The following TRIM24 variants were observed in gnomAD, a reference collection of about 807,000 sequenced individuals.
TRIM24 encodes tripartite motif containing 24.
A neutral mutation model predicts 123.9 loss-of-function variants in TRIM24; 29 were observed. The observed-to-expected ratio is 0.23, with a 90% CI of 0.17 to 0.32. The LOEUF is 0.32. Among genes scored for constraint, TRIM24 ranks in the 10% least tolerant of loss-of-function variants. The pLI is 1.00. For synonymous variants in TRIM24, 456 were observed against 461.1 expected (o/e 0.99, Z 0.14); for missense variants, 932 against 1,295.3 (o/e 0.72, Z 4.31).
rs984670440 is a variant in TRIM24 at position 138,576,046 on chromosome 7, C to G, written c.2015-327C>G. Among the ~76,000 whole-genome samples, 3 of 152,100 alleles carry G rather than the reference C, an allele frequency of 2.0e-5. 1 individual carries two copies. Among genetic ancestry groups the G allele is most frequent in the Admixed American group, 2.0e-4 (3 of 15,256 alleles). ...AATGTTTGGAGATGTTTTTGATTGTCACACCCCAAGCTGGGAAGTATAGAG... is the reference window on the plus strand; with the variant it reads ...AATGTTTGGAGATGTTTTTGATTGTGACACCCCAAGCTGGGAAGTATAGAG... On this transcript the variant is annotated intron_variant, in intron 12 of 18. Coordinates refer to ENST00000343526, the MANE Select transcript of TRIM24 (RefSeq NM_015905.3).
At chr7:138,545,163 C>CGTGTGT (rs3073156) in intron 7 of TRIM24, among the ~76,000 whole-genome samples, 1,967 of 149,472 alleles carry the variant, frequency 0.013, 33 homozygotes, top group African/African-American at 0.044. Context: ...ATAAAATCTG[C>CGTGTGT]GTGTGTGTGT....
chr7:138,581,276 C>T (rs1441728386), intron 16 of TRIM24, among the ~76,000 whole-genome samples: 1 of 152,174 alleles, frequency 6.6e-6, no homozygotes, highest in African/African-American at 2.4e-5. Context: ...GGGATAAACC[C>T]ATAAAGCAGG....
At chr7:138,583,674 T>C (rs913939323) in intron 17 of TRIM24, among the ~76,000 whole-genome samples, 176 bp from the exon 18 acceptor site, 5 of 152,188 alleles carry the variant, frequency 3.3e-5, no homozygotes, top group African/African-American at 9.7e-5. Flanking sequence ...TTTACCAGTG[T>C]GTGTGGAAGG....
chr7:138,578,514 A>ATGG (rs1235896840), intron 14 of TRIM24, among the ~76,000 whole-genome samples: 5 of 146,760 alleles, frequency 3.4e-5, no homozygotes, highest in African/African-American at 5.1e-5. Flanking sequence ...GATGGGGTGA[A>ATGG]TGGTGGTGGT....
intron 7 of TRIM24, among the ~76,000 whole-genome samples, chr7:138,539,708 C>T (rs1380457558): frequency 6.6e-6 from 1 of 151,096 alleles, no homozygotes; most frequent in Non-Finnish European, 1.5e-5. Context: ...TTTTCCAGTG[C>T]ATATAAAAGT....
rs117101979 is a variant in TRIM24, at chr7:138,560,572, A to G, written c.1530+5606A>G. On this transcript the variant is annotated intron_variant, in intron 9 of 18. Coordinates refer to ENST00000343526, the MANE Select transcript of TRIM24 (RefSeq NM_015905.3). ...GTGGGTTGTTCTGGGCACAAATTAG[A>G]TATTGTTTGCAAACGGCTCGGGTGA... Among the ~76,000 whole-genome samples the G allele has an allele frequency of 2.7e-4, 41 of 152,208 alleles. No individual in the cohort carries two copies. In the East Asian group the frequency reaches 7.2e-3, roughly 27 times the overall value.
In TRIM24 at chr7:138,588,414, GA is replaced by G. The variant is rs1475820444; in HGVS notation, c.*3465del. The G allele has an allele frequency of 6.6e-6, 1 of 152,252 alleles. No homozygotes were observed. Among genetic ancestry groups the G allele is most frequent in the East Asian group, 1.9e-4 (1 of 5,196 alleles). The allele number at this position is 152,252 out of a possible 1,614,324, so 9.4% of individuals were successfully genotyped here. On this transcript the variant is annotated 3_prime_UTR_variant, in exon 19 of 19. Transcript: ENST00000343526. The stretch of plus-strand genomic sequence containing the variant: ...TCTGATTGGCCATTAAAATTATGGT[GA>G]ATGGGTCGGGCGCAGTGGCTCACGC...
intron 10 of TRIM24, among the ~76,000 whole-genome samples, chr7:138,569,659 G>A (rs910587031): frequency 5.3e-5 from 8 of 152,124 alleles, no homozygotes; most frequent in African/African-American, 1.9e-4. Context: ...TGGTAAAGAA[G>A]ACATTCATGT....
Position 138,551,078 on chromosome 7 carries a change from C to T in TRIM24, c.1159C>T (p.Arg387Trp), listed in dbSNP as rs779232564. ...YSKRLITYRL[R>W]HLLRARCDAS... is the part of the protein sequence containing the mutation. ...TTTCTTCTAGATTACATACCGGTTA[C>T]GGCACCTCCTTCGTGCAAGGTGTGA... The change falls in exon 8 of 19, where the codon CGG (arginine) becomes TGG (tryptophan). Residue 387 changes from arginine (R) to tryptophan (W), a missense_variant. Coordinates refer to ENST00000343526, the MANE Select transcript of TRIM24 (RefSeq NM_015905.3). 3.7e-6 allele frequency: 6 copies of T among 1,613,474 alleles called. No individual in the cohort carries two copies. The highest frequency in any genetic ancestry group is 3.4e-6 in the Non-Finnish European group (4 of 1,179,546).
intron 6 of TRIM24, among the ~76,000 whole-genome samples, chr7:138,530,105 G>A (rs1796698363): frequency 6.6e-6 from 1 of 151,840 alleles, no homozygotes; most frequent in Admixed American, 6.6e-5. Context: ...CAGCTGTACA[G>A]GAAACAAAGA....
rs868716198 is a variant in TRIM24 at position 138,585,221 on chromosome 7, A to G, written c.*270A>G. On this transcript the variant is annotated 3_prime_UTR_variant, in exon 19 of 19. Transcript: ENST00000343526. ...AAAAGGATGGAAGAAAGAAGCATTG[A>G]AAACAAAGACATTCTTCCCACTTCT... The G allele has an allele frequency of 1.6e-4, 49 of 306,320 alleles. No homozygotes were observed. The highest frequency in any genetic ancestry group is 8.8e-4 in the Middle Eastern group (1 of 1,138). The allele number at this position is 306,320 out of a possible 1,614,324, so 19.0% of individuals were successfully genotyped here.
At chr7:138,525,380 T>A in intron 5 of TRIM24, 23 bp downstream of exon 5, 1 of 1,280,414 alleles carries the variant, frequency 7.8e-7, no homozygotes, top group Non-Finnish European at 1.1e-6. Flanking sequence ...TATTATGTAA[T>A]CATTTTTATA....
intron 9 of TRIM24, among the ~76,000 whole-genome samples, chr7:138,566,661 T>C (rs1797541941): frequency 6.6e-6 from 1 of 152,164 alleles, no homozygotes; most frequent in Non-Finnish European, 1.5e-5. Context: ...TGCTTGGTGT[T>C]AGCTGTGTGA....
At chr7:138,495,162 G>T (rs1795875802) in intron 1 of TRIM24, among the ~76,000 whole-genome samples, 1 of 152,050 alleles carries the variant, frequency 6.6e-6, no homozygotes, top group South Asian at 2.1e-4. Context: ...GGTGAAGTAG[G>T]GCAAATGGAA....
At chr7:138,478,509 C>T (rs1447755211) in intron 1 of TRIM24, among the ~76,000 whole-genome samples, 2 of 152,154 alleles carry the variant, frequency 1.3e-5, no homozygotes, top group East Asian at 1.9e-4. Flanking sequence ...CAGCATCTTA[C>T]TCTGCGGCCC....
At position 138,551,056 on chromosome 7, in the gene TRIM24, C is replaced by T. The variant is rs1233328984; in HGVS notation, c.1144-7C>T. Reference sequence around the variant, plus strand: ...TAATATTTAGTTATCTCTCCTTTTTCTTCTAGATTACATACCGGTTACGGC... The same window carrying T: ...TAATATTTAGTTATCTCTCCTTTTTTTTCTAGATTACATACCGGTTACGGC... On this transcript the variant is annotated splice_polypyrimidine_tract_variant and splice_region_variant and intron_variant, in intron 7 of 18. Coordinates refer to ENST00000343526, the MANE Select transcript of TRIM24 (RefSeq NM_015905.3). 1 of 1,608,330 alleles carries T rather than the reference C, an allele frequency of 6.2e-7. No homozygotes were observed.
In TRIM24 at chr7:138,580,596, T is replaced by G; in HGVS notation, c.2620T>G (p.Ser874Ala). Residue 874 changes from serine to alanine, a missense_variant, in exon 16 of 19, where the codon TCT becomes GCT. Coordinates refer to ENST00000343526, the MANE Select transcript of TRIM24 (RefSeq NM_015905.3). Reference protein sequence around the residue: ...EWICTFCRDLSKPEVEYDCDA... With the variant: ...EWICTFCRDLAKPEVEYDCDA... ...GATTTGCACTTTCTGCCGAGACTTA[T>G]CTAAACCAGAAGTTGAATATGATTG... 1 of 1,613,730 alleles carries G rather than the reference T, an allele frequency of 6.2e-7. No homozygotes were observed.
At chr7:138,508,111 A>G (rs928589135) in intron 2 of TRIM24, among the ~76,000 whole-genome samples, 1 of 152,084 alleles carries the variant, frequency 6.6e-6, no homozygotes, top group African/African-American at 2.4e-5. Context: ...AATTAATCTC[A>G]AGTTACCCCT....
intron 1 of TRIM24, 190 bp downstream of exon 1, chr7:138,461,102 C>A: frequency 1.4e-6 from 1 of 730,546 alleles, no homozygotes; most frequent in South Asian, 1.5e-5. Flanking sequence ...CGCGCTCGGC[C>A]AGCAACTTCC....
Sources: allele counts gnomAD v4.1 joint callset (sites outside exome capture counted in the v4.1 genomes callset), GRCh38; gene constraint gnomAD v4.1.1; transcripts MANE v1.5; gene names NCBI Gene and HGNC (gene_info 2026-07-23, HGNC 2026-07-21).